Variants in XRRA1 observed in about 807,000 individuals in gnomAD.
XRRA1 encodes the protein X-ray radiation resistance associated 1.
XRRA1 carries 69 observed loss-of-function variants against 80.2 expected under a neutral mutation model. The ratio of observed to expected loss-of-function variants is 0.86; its 90% CI spans 0.71 to 1.05. The LOEUF (loss-of-function observed/expected upper bound fraction) is 1.05. XRRA1 is among the 50% of genes least tolerant of loss of function. The pLI is 0.00. For synonymous variants in XRRA1, 348 were observed against 389.9 expected, an observed-to-expected ratio of 0.89 and a Z score of 1.27; for missense variants, 967 against 976.4, an observed-to-expected ratio of 0.99 and a Z score of 0.13.
chr11:74,907,405 G>A (rs572386813), intron 8 of XRRA1, 132 bp from the exon 9 acceptor site: 1 of 1,128,672 alleles, frequency 8.9e-7, no homozygotes, highest in African/African-American at 1.6e-5. Flanking sequence ...GCCCAAAAGA[G>A]GTCCCCATAG....
chr11:74,907,700 T>C (rs2054942794), intron 8 of XRRA1, among the ~76,000 whole-genome samples: 1 of 152,150 alleles, frequency 6.6e-6, no homozygotes, highest in Admixed American at 6.5e-5. Flanking sequence ...CAGGAGACAA[T>C]GCCCTTGTTA....
intron 10 of XRRA1, among the ~76,000 whole-genome samples, chr11:74,890,774 C>T (rs2050461484): frequency 6.6e-6 from 1 of 152,174 alleles, no homozygotes; most frequent in African/African-American, 2.4e-5. Flanking sequence ...ACTATAAACA[C>T]CTCTATGCAA....
At chr11:74,912,032 G>C (rs1442815520) in intron 8 of XRRA1, among the ~76,000 whole-genome samples, 5 of 152,176 alleles carry the variant, frequency 3.3e-5, no homozygotes, top group African/African-American at 4.8e-5. Flanking sequence ...AACTGTCTTG[G>C]AGTGAACAGA....
At chr11:74,921,442 C>T (rs997583556) in intron 7 of XRRA1, 95 bp from the exon 8 acceptor site, 141 of 1,502,780 alleles carry the variant, frequency 9.4e-5, no homozygotes, top group Non-Finnish European at 1.2e-4. Flanking sequence ...AGTGCCCCAT[C>T]GCCCACAGGA....
At position 74,927,440 on chromosome 11, in the gene XRRA1, T is replaced by C. The variant is rs1368923183; in HGVS notation, c.473A>G (p.Asn158Ser). The part of the protein sequence containing the change: ...PALKELDLAF[N>S]GIKTIYVKYG... ...TTTCACGTAGATAGTTTTGATGCCATTAAATGCGAGATCCAGTTCCTTTAG... is the reference window on the plus strand; with the variant it reads ...TTTCACGTAGATAGTTTTGATGCCACTAAATGCGAGATCCAGTTCCTTTAG... Residue 158 changes from asparagine to serine, a missense_variant, in exon 7 of 19, where the codon AAT becomes AGT. Physicochemically the swap from Asn to Ser is conservative, Grantham distance 46 (BLOSUM62 1). Coordinates refer to ENST00000684022, the MANE Select transcript of XRRA1 (RefSeq NM_001378157.1). 6.2e-7 allele frequency: 1 copy of C among 1,613,724 alleles called. No homozygotes were observed. The highest frequency in any genetic ancestry group is 8.5e-7 in the Non-Finnish European group (1 of 1,179,644).
intron 10 of XRRA1, among the ~76,000 whole-genome samples, chr11:74,893,525 C>T (rs2051363434): frequency 6.6e-6 from 1 of 150,824 alleles, no homozygotes; most frequent in Admixed American, 6.6e-5. Context: ...GCACGTTGTG[C>T]ACATGTACCC....
intron 8 of XRRA1, chr11:74,911,549 A>G (rs1184995590): frequency 6.6e-6 from 1 of 152,204 alleles, no homozygotes; most frequent in Non-Finnish European, 1.5e-5. Flanking sequence ...AATAAAATAT[A>G]AAAAGAAAAA....
chr11:74,874,671 C>A (rs2045662867), intron 10 of XRRA1, among the ~76,000 whole-genome samples: 1 of 152,218 alleles, frequency 6.6e-6, no homozygotes, highest in African/African-American at 2.4e-5. Flanking sequence ...CCCTAAATAT[C>A]AGGCTCTGAT....
At chr11:74,844,347 G>T in intron 16 of XRRA1, 64 bp from the exon 17 acceptor site, 1 of 1,214,352 alleles carries the variant, frequency 8.2e-7, no homozygotes, top group Non-Finnish European at 1.2e-6. Flanking sequence ...TGCCTCCCCT[G>T]ATTGCTTCAT....
At chr11:74,932,976 T>C (rs1944002509) in intron 5 of XRRA1, among the ~76,000 whole-genome samples, 1 of 152,214 alleles carries the variant, frequency 6.6e-6, no homozygotes, top group Admixed American at 6.5e-5. Flanking sequence ...ATGTATGTTA[T>C]AATATCCTGT....
In XRRA1 at chr11:74,843,353, C is replaced by T. The variant is rs368411563; in HGVS notation, c.2250G>A (p.Gln750=). The part of the protein sequence containing the change: ...LLKEFQARYR[Q]LVSGSLRTVF... ...CTGTGCGCAGAGAGCCACTCACCAG[C>T]TGCCGGTAACGTGCCTGGAACTCCT... Residue 750 remains glutamine (Q), a synonymous_variant, in exon 19 of 19, where the codon CAG becomes CAA. Coordinates refer to ENST00000684022, the MANE Select transcript of XRRA1 (RefSeq NM_001378157.1). 207 of 1,611,008 alleles carry T rather than the reference C, an allele frequency of 1.3e-4. 1 individual carries two copies. In the African/African-American group the frequency reaches 2.7e-3, roughly 21 times the overall value.
At chr11:74,913,377 T>C (rs189899863) in intron 8 of XRRA1, among the ~76,000 whole-genome samples, 1 of 152,358 alleles carries the variant, frequency 6.6e-6, no homozygotes, top group East Asian at 1.9e-4. Context: ...GAAGAAGATA[T>C]CCTTTGTTTA....
chr11:74,894,770 A>T (rs1050458770), intron 10 of XRRA1, among the ~76,000 whole-genome samples: 2 of 152,210 alleles, frequency 1.3e-5, no homozygotes, highest in Admixed American at 6.5e-5. Context: ...TGAACCCAAA[A>T]TAAAAGATTA....
chr11:74,883,823 G>A (rs952869597), intron 10 of XRRA1, among the ~76,000 whole-genome samples: 3 of 152,200 alleles, frequency 2.0e-5, no homozygotes, highest in Non-Finnish European at 2.9e-5. Context: ...ACAGGGGGTA[G>A]AAAGAAATTA....
intron 10 of XRRA1, among the ~76,000 whole-genome samples, chr11:74,881,334 T>C (rs1409496035): frequency 1.3e-5 from 2 of 151,562 alleles, no homozygotes; most frequent in Non-Finnish European, 2.9e-5. Flanking sequence ...TCCTCCATCC[T>C]TTTATTTTGA....
chr11:74,943,728 A>G (rs1436549546), intron 2 of XRRA1, among the ~76,000 whole-genome samples: 4 of 152,142 alleles, frequency 2.6e-5, no homozygotes, highest in Admixed American at 2.6e-4. Context: ...TTTGAGAGTC[A>G]GCAACTAATT....
At chr11:74,871,238 T>C (rs530235879) in intron 10 of XRRA1, among the ~76,000 whole-genome samples, 3 of 152,338 alleles carry the variant, frequency 2.0e-5, no homozygotes, top group East Asian at 1.9e-4. Context: ...CTGAGGGACA[T>C]GCCTGCATCC....
At chr11:74,897,823 G>T (rs1168185645) in intron 10 of XRRA1, among the ~76,000 whole-genome samples, 1 of 151,894 alleles carries the variant, frequency 6.6e-6, no homozygotes, top group Non-Finnish European at 1.5e-5. Flanking sequence ...AAAGCTGAGG[G>T]ATTTCATTAA....
In XRRA1 at chr11:74,843,861, A is replaced by T; in HGVS notation, c.2142T>A (p.Ala714=). The change falls in exon 18 of 19, where the codon GCT becomes GCA. Residue 714 remains alanine, a synonymous_variant. Transcript: ENST00000684022. ...GCTGTGGCAGAGCCGTACCTAGTGG[A>T]GCCTCTGTAATGTTCCGGGGATCCC... is the stretch of plus-strand genomic sequence containing the variant. ...RLRDPRNITE[A]PLGAVLHQWT... The T allele has an allele frequency of 6.2e-7, 1 of 1,608,954 alleles. No individual in the cohort carries two copies. Among genetic ancestry groups the T allele is most frequent in the South Asian group, 1.1e-5 (1 of 89,820 alleles).
Sources: allele counts gnomAD v4.1 joint callset (sites outside exome capture counted in the v4.1 genomes callset), GRCh38; gene constraint gnomAD v4.1.1; transcripts MANE v1.5; gene names NCBI Gene and HGNC (gene_info 2026-07-23, HGNC 2026-07-21).